The following ENOX1 variants were observed in gnomAD, a reference collection of about 807,000 sequenced individuals.
ENOX1 encodes the protein candidate growth-related and time keeping constitutive hydroquinone (NADH) oxidase.
A neutral mutation model predicts 82.5 loss-of-function variants in ENOX1; 42 were observed. That is an observed-to-expected ratio of 0.51 (90% CI 0.40 to 0.66). The LOEUF (loss-of-function observed/expected upper bound fraction) is 0.66, where lower values mean the gene tolerates loss of function less well. Among genes scored for constraint, ENOX1 ranks in the 30% least tolerant of loss-of-function variants. The probability of loss-of-function intolerance (pLI) is 0.00; values close to 1 mark genes in which losing one functional copy is unlikely to be tolerated. For synonymous variants in ENOX1, 271 were observed against 282.2 expected (o/e 0.96, Z 0.40); for missense variants, 608 against 811.6 (o/e 0.75, Z 3.05).
Position 43,265,516 on chromosome 13 carries a change from A to G in ENOX1, c.1555-62T>C, listed in dbSNP as rs150151710. 34 of 1,385,666 alleles carry G rather than the reference A, an allele frequency of 2.5e-5. No individual in the cohort carries two copies. The African/African-American group carries it at 4.0e-4, about 16-fold the overall frequency. 85.8% of individuals were successfully genotyped at this position (1,385,666 alleles called of 1,614,324 possible). ...AATGAATAAGCAAGCAAATCTCTTA[A>G]GTATATCATCTTGTTAACTGATTTA... On this transcript the variant is annotated intron_variant, in intron 13 of 16. Coordinates refer to ENST00000690772, the MANE Select transcript of ENOX1 (RefSeq NM_001347969.2).
At chr13:43,222,612 G>C (rs61950458) in intron 16 of ENOX1, among the ~76,000 whole-genome samples, 1,766 of 152,300 alleles carry the variant, frequency 0.012, 12 homozygotes, top group Non-Finnish European at 0.016. Flanking sequence ...ACAGTACAAG[G>C]GAAGGATGGT....
At chr13:43,784,378 A>C (rs1403139441) in intron 1 of ENOX1, among the ~76,000 whole-genome samples, 1 of 152,250 alleles carries the variant, frequency 6.6e-6, no homozygotes, top group East Asian at 1.9e-4. Context: ...AATAATTTCC[A>C]ATTTGTCACA....
chr13:43,570,772 G>C (rs1316693083), intron 2 of ENOX1, among the ~76,000 whole-genome samples: 2 of 152,198 alleles, frequency 1.3e-5, no homozygotes, highest in African/African-American at 4.8e-5. Context: ...GTGAGAAGTG[G>C]AGGGGAAGAG....
chr13:43,365,156 C>T (rs181883089), intron 5 of ENOX1, among the ~76,000 whole-genome samples: 1 of 152,318 alleles, frequency 6.6e-6, no homozygotes, highest in East Asian at 1.9e-4. Context: ...ATGCCTTGCT[C>T]CTTTTCTGCC....
intron 3 of ENOX1, among the ~76,000 whole-genome samples, chr13:43,470,287 T>C (rs12429229): frequency 0.012 from 784 of 67,190 alleles, 40 homozygotes; most frequent in African/African-American, 0.039. Flanking sequence ...TATATACATA[T>C]ATATATACAC....
At chr13:43,515,921 C>A (rs2077543056) in intron 2 of ENOX1, among the ~76,000 whole-genome samples, 1 of 152,138 alleles carries the variant, frequency 6.6e-6, no homozygotes, top group Non-Finnish European at 1.5e-5. Flanking sequence ...CCAGAGTGAG[C>A]CTGATGTCCC....
intron 14 of ENOX1, among the ~76,000 whole-genome samples, chr13:43,240,797 G>GA (rs1182289353): frequency 2.0e-5 from 3 of 152,234 alleles, no homozygotes; most frequent in Admixed American, 1.3e-4. Context: ...GCAAGGCTCT[G>GA]ACAGCTCTTT....
intron 2 of ENOX1, among the ~76,000 whole-genome samples, chr13:43,519,999 G>A (rs971477550): frequency 2.6e-5 from 4 of 151,996 alleles, no homozygotes; most frequent in Non-Finnish European, 5.9e-5. Flanking sequence ...ATTTACTAAC[G>A]TAACTGACTC....
intron 1 of ENOX1, among the ~76,000 whole-genome samples, chr13:43,746,777 G>T (rs936471041): frequency 2.6e-5 from 4 of 152,168 alleles, no homozygotes; most frequent in Admixed American, 2.0e-4. Flanking sequence ...CAGAATTTAT[G>T]AGGGGACTCA....
chr13:43,411,790 A>T, intron 5 of ENOX1, 126 bp downstream of exon 5: 1 of 1,242,656 alleles, frequency 8.0e-7, no homozygotes, highest in African/African-American at 1.5e-5. Flanking sequence ...ACAACTTGCC[A>T]AACATGCCCC....
intron 2 of ENOX1, among the ~76,000 whole-genome samples, chr13:43,487,635 C>A (rs1444139044): frequency 1.3e-5 from 2 of 152,138 alleles, no homozygotes; most frequent in Admixed American, 6.5e-5. Context: ...TCTAGACGTG[C>A]CAATTATAAA....
chr13:43,648,278 T>C (rs530506627), intron 2 of ENOX1, among the ~76,000 whole-genome samples: 2 of 152,318 alleles, frequency 1.3e-5, no homozygotes, highest in South Asian at 4.1e-4. Flanking sequence ...TTTATTCATA[T>C]TGAGCACCTA....
intron 3 of ENOX1, among the ~76,000 whole-genome samples, chr13:43,440,324 T>C (rs773190442): frequency 6.6e-6 from 1 of 152,280 alleles, no homozygotes; most frequent in South Asian, 2.1e-4. Context: ...AGCATGGCAA[T>C]TAAAGAAGTA....
rs75359054 is a variant in ENOX1 at position 43,674,209 on chromosome 13, T to C, written c.-284-6665A>G. Among the ~76,000 whole-genome samples, 53 of 152,302 alleles carry C rather than the reference T, an allele frequency of 3.5e-4. 1 individual carries two copies. The East Asian group carries it at 8.3e-3, about 24-fold the overall frequency. Reference sequence around the variant, plus strand: ...GTATGTATTATGCAGCAGGAATTGTTCTAGGTACTGGGAGTACAAGCCAGG... The same window carrying C: ...GTATGTATTATGCAGCAGGAATTGTCCTAGGTACTGGGAGTACAAGCCAGG... On this transcript the variant is annotated intron_variant, in intron 1 of 16. Coordinates refer to ENST00000690772, the MANE Select transcript of ENOX1 (RefSeq NM_001347969.2).
intron 1 of ENOX1, among the ~76,000 whole-genome samples, chr13:43,680,181 T>C (rs9533583): frequency 0.011 from 1,644 of 152,306 alleles, 25 homozygotes; most frequent in African/African-American, 0.037. Context: ...TATACAGAAA[T>C]GAAATCCAAC....
chr13:43,293,656 C>A (rs1371379551), intron 12 of ENOX1, among the ~76,000 whole-genome samples: 1 of 152,194 alleles, frequency 6.6e-6, no homozygotes, highest in African/African-American at 2.4e-5. Context: ...AAAAAACGTA[C>A]TTACTAAGCA....
At chr13:43,305,273 A>G (rs534919939) in intron 11 of ENOX1, among the ~76,000 whole-genome samples, 2 of 129,554 alleles carry the variant, frequency 1.5e-5, no homozygotes, top group East Asian at 4.6e-4. Flanking sequence ...ACCACTGATC[A>G]ATCTTCCTCA....
intron 2 of ENOX1, among the ~76,000 whole-genome samples, chr13:43,654,250 T>C (rs867828615): frequency 6.6e-6 from 1 of 152,140 alleles, no homozygotes; most frequent in South Asian, 2.1e-4. Flanking sequence ...GACTGTAACA[T>C]AGACATCCTG....
intron 3 of ENOX1, among the ~76,000 whole-genome samples, chr13:43,425,446 T>C (rs1490485121): frequency 1.3e-5 from 2 of 152,198 alleles, no homozygotes; most frequent in Non-Finnish European, 1.5e-5. Flanking sequence ...CCGTCCCCCA[T>C]TAACACATTC....
Sources: allele counts gnomAD v4.1 joint callset (sites outside exome capture counted in the v4.1 genomes callset), GRCh38; gene constraint gnomAD v4.1.1; transcripts MANE v1.5; gene names NCBI Gene and HGNC (gene_info 2026-07-23, HGNC 2026-07-21).